CCSER1: variants seen among roughly 807,000 people sequenced by gnomAD.
The protein encoded by CCSER1 is serine-rich coiled-coil domain-containing protein 1.
Under a neutral mutation model 82.0 loss-of-function variants are expected in CCSER1, and 41 were observed. The ratio of observed to expected loss-of-function variants is 0.50; its 90% CI spans 0.39 to 0.65. The LOEUF is 0.65. Ranked by LOEUF, CCSER1 falls within the 30% of genes least tolerant of loss-of-function variation. The probability of loss-of-function intolerance (pLI) is 0.00; values close to 1 mark genes in which losing one functional copy is unlikely to be tolerated. For missense variants in CCSER1, 1,119 were observed against 1,064.2 expected (o/e 1.05, Z -0.72); for synonymous variants, 414 against 383.9 (o/e 1.08, Z -0.92).
At chr4:91,232,876 A>G (rs1395649426) in intron 10 of CCSER1, among the ~76,000 whole-genome samples, 1 of 151,820 alleles carries the variant, frequency 6.6e-6, no homozygotes, top group East Asian at 1.9e-4. Context: ...ATATGGGGAA[A>G]AAATTAAGAT....
chr4:90,948,105 G>C (rs1732475492), intron 9 of CCSER1, among the ~76,000 whole-genome samples: 1 of 151,818 alleles, frequency 6.6e-6, no homozygotes, highest in African/African-American at 2.4e-5. Flanking sequence ...TCAGTGTTGA[G>C]TGTAAAGTGA....
At chr4:91,439,906 A>T (rs1163256821) in intron 10 of CCSER1, among the ~76,000 whole-genome samples, 6 of 152,216 alleles carry the variant, frequency 3.9e-5, no homozygotes, top group Non-Finnish European at 8.8e-5. Flanking sequence ...CTACAACAAG[A>T]AGAACTAACT....
chr4:90,848,643 G>A (rs951093067), intron 8 of CCSER1, among the ~76,000 whole-genome samples: 1 of 152,068 alleles, frequency 6.6e-6, no homozygotes, highest in Admixed American at 6.5e-5. Context: ...TCAGTTTTAT[G>A]GTCATGTGCA....
chr4:91,533,033 T>C (rs1204024498), intron 10 of CCSER1, among the ~76,000 whole-genome samples: 1 of 152,164 alleles, frequency 6.6e-6, no homozygotes, highest in Non-Finnish European at 1.5e-5. Flanking sequence ...CATTGTTATC[T>C]ACCTATTACA....
At chr4:90,704,661 CT>C (rs1410167977) in intron 6 of CCSER1, among the ~76,000 whole-genome samples, 1 of 152,166 alleles carries the variant, frequency 6.6e-6, no homozygotes, top group Admixed American at 6.5e-5. Flanking sequence ...TTCTTGGAGG[CT>C]TTGTTCATTT....
intron 5 of CCSER1, among the ~76,000 whole-genome samples, chr4:90,623,117 C>T (rs1324361486): frequency 6.6e-5 from 10 of 151,342 alleles, no homozygotes; most frequent in African/African-American, 2.4e-4. Flanking sequence ...AAGCTTCGCC[C>T]CCCAGGTTCA....
intron 6 of CCSER1, among the ~76,000 whole-genome samples, chr4:90,714,593 T>C (rs1741282149): frequency 6.6e-6 from 1 of 151,848 alleles, no homozygotes; most frequent in African/African-American, 2.4e-5. Context: ...CTGGGAAAAA[T>C]TGTGGGTTAA....
intron 5 of CCSER1, among the ~76,000 whole-genome samples, chr4:90,618,567 G>A (rs896376920): frequency 1.3e-5 from 2 of 151,728 alleles, no homozygotes; most frequent in Non-Finnish European, 3.0e-5. Flanking sequence ...AAATAGGCTC[G>A]ATTTTATTTT....
intron 10 of CCSER1, among the ~76,000 whole-genome samples, chr4:91,596,761 A>T (rs1042400842): frequency 7.2e-5 from 11 of 152,056 alleles, no homozygotes; most frequent in African/African-American, 2.7e-4. Flanking sequence ...TCTACTCCAA[A>T]TCTAAGGAAA....
intron 5 of CCSER1, among the ~76,000 whole-genome samples, chr4:90,474,524 T>C (rs1001805473): frequency 9.2e-5 from 14 of 152,304 alleles, no homozygotes; most frequent in Admixed American, 6.5e-4. Context: ...GAGAGCCAAT[T>C]TGATAGCAGT....
At chr4:91,395,514 A>G (rs1270049704) in intron 10 of CCSER1, among the ~76,000 whole-genome samples, 1 of 152,066 alleles carries the variant, frequency 6.6e-6, no homozygotes, top group African/African-American at 2.4e-5. Context: ...GGTGTGTCTG[A>G]GGAGATCTGA....
chr4:91,381,643 G>A (rs1336405286), intron 10 of CCSER1, among the ~76,000 whole-genome samples: 4 of 152,174 alleles, frequency 2.6e-5, no homozygotes, highest in East Asian at 1.9e-4. Context: ...TTAGCCATTC[G>A]TCTAATCTTT....
intron 3 of CCSER1, among the ~76,000 whole-genome samples, chr4:90,360,773 C>T (rs1279318545): frequency 1.3e-5 from 2 of 152,050 alleles, no homozygotes; most frequent in Non-Finnish European, 2.9e-5. Context: ...TATAATGCTT[C>T]ATGGCCAACA....
rs1274014395 is a variant in CCSER1, at chr4:91,605,015, A to G, written c.*5958A>G. The stretch of plus-strand genomic sequence containing the variant: ...TAGATATATGGGTTTGAGATTATTA[A>G]CATTGATAATAGTTTTTTTAATTCA... On this transcript the variant is annotated 3_prime_UTR_variant, in exon 11 of 11. Transcript: ENST00000509176. 1 of 151,880 alleles carries G rather than the reference A, an allele frequency of 6.6e-6. No individual in the cohort carries two copies. The highest frequency in any genetic ancestry group is 1.5e-5 in the Non-Finnish European group (1 of 67,934). The allele number at this position is 151,880 out of a possible 1,614,324, so 9.4% of individuals were successfully genotyped here. A position where few individuals can be genotyped will look rare whatever the true frequency, so the allele number is the denominator to read the frequency against.
chr4:91,231,804 C>T (rs1005331249), intron 10 of CCSER1, among the ~76,000 whole-genome samples: 1 of 151,532 alleles, frequency 6.6e-6, no homozygotes, highest in Non-Finnish European at 1.5e-5. Context: ...CAGATACAAA[C>T]GAAAAAGAAG....
chr4:91,080,762 A>G (rs1722618557), intron 9 of CCSER1, among the ~76,000 whole-genome samples: 1 of 152,222 alleles, frequency 6.6e-6, no homozygotes, highest in Admixed American at 6.5e-5. Flanking sequence ...AGAAATACAA[A>G]CTACCATCAG....
chr4:91,593,498 C>T lies in CCSER1; in HGVS notation c.2218-5074C>T, dbSNP rs1203847750. On this transcript the variant is annotated intron_variant, in intron 10 of 10. Transcript: ENST00000509176. ...TTTTTTTTTTTTTTTTTTTTTAGTA[C>T]AGACAGGGTTTCACCATGTTGGCCA... 8.3e-5 allele frequency among the ~76,000 whole-genome samples: 5 copies of T among 60,214 alleles called. No homozygotes were observed. In the South Asian group the frequency reaches 1.3e-3, roughly 16 times the overall value. 39.5% of individuals were successfully genotyped at this position (60,214 alleles called of 152,430 possible).
At chr4:90,229,376 T>A (rs983365717) in intron 1 of CCSER1, among the ~76,000 whole-genome samples, 1 of 151,926 alleles carries the variant, frequency 6.6e-6, no homozygotes, top group Non-Finnish European at 1.5e-5. Context: ...AACTAAGCTT[T>A]ATAAGTGAGG....
At chr4:91,165,975 C>T (rs926161703) in intron 10 of CCSER1, among the ~76,000 whole-genome samples, 2 of 152,206 alleles carry the variant, frequency 1.3e-5, no homozygotes, top group Admixed American at 6.5e-5. Context: ...GAACCAGGTA[C>T]CTCAGTAGGA....
Sources: gnomAD v4.1 joint callset for allele counts (sites outside exome capture counted in the v4.1 genomes callset) on GRCh38, gnomAD v4.1.1 for gene constraint, MANE v1.5 for transcripts, NCBI Gene and HGNC (gene_info 2026-07-23, HGNC 2026-07-21) for gene names.